IAPP: variants seen among roughly 807,000 people sequenced by gnomAD.
IAPP encodes Islet amyloid polypeptide (diabetes-associated peptide; amylin).
A neutral mutation model predicts 2.9 loss-of-function variants in IAPP; 4 were observed. The observed-to-expected ratio is 1.39, with a 90% CI of 0.69 to 3.19. IAPP has a LOEUF of 3.19. Among genes scored for constraint, IAPP ranks in the 30% most tolerant of loss-of-function variants. IAPP has a pLI of 0.01. For missense variants in IAPP, 114 were observed against 105.3 expected, an observed-to-expected ratio of 1.08 and a Z score of -0.36; for synonymous variants, 40 against 42.1, an observed-to-expected ratio of 0.95 and a Z score of 0.19.
chr12:21,369,607 T>C (rs1939637456), upstream of IAPP, among the ~76,000 whole-genome samples: 1 of 152,228 alleles, frequency 6.6e-6, no homozygotes, highest in Non-Finnish European at 1.5e-5. Context: ...TCCAGACTGA[T>C]GTTTTAAAGT....
intron 1 of IAPP, among the ~76,000 whole-genome samples, chr12:21,364,445 T>C (rs553534941): frequency 5.9e-5 from 9 of 152,324 alleles, no homozygotes; most frequent in African/African-American, 2.2e-4. Flanking sequence ...AATATCATAC[T>C]GAATGGGCAA....
chr12:21,375,458 A>G (rs58833047), intron 2 of IAPP, among the ~76,000 whole-genome samples: 11 of 152,346 alleles, frequency 7.2e-5, no homozygotes, highest in African/African-American at 2.4e-4. Flanking sequence ...ACATTATTCA[A>G]TGTCATTTTC....
At chr12:21,370,481 C>G (rs949603774), upstream of IAPP, among the ~76,000 whole-genome samples, 1 of 109,362 alleles carries the variant, frequency 9.1e-6, no homozygotes, top group African/African-American at 3.5e-5. Flanking sequence ...CCTCCCCCCT[C>G]CCCCGACCCC....
chr12:21,362,637 G>T (rs1030581909), intron 1 of IAPP, among the ~76,000 whole-genome samples: 11 of 152,304 alleles, frequency 7.2e-5, no homozygotes, highest in Middle Eastern at 3.4e-3. Flanking sequence ...GCATCAGTGT[G>T]TGGTATTCAG....
At chr12:21,374,806 A>G (rs1442912726) in intron 2 of IAPP, among the ~76,000 whole-genome samples, 1 of 147,718 alleles carries the variant, frequency 6.8e-6, no homozygotes, top group South Asian at 2.1e-4. Flanking sequence ...TTTTTATTTT[A>G]TTTTGAGACA....
intron 1 of IAPP, among the ~76,000 whole-genome samples, chr12:21,363,918 C>T (rs1166105220): frequency 1.3e-5 from 2 of 151,854 alleles, no homozygotes. Context: ...GCCTACCAAC[C>T]AAAAAAAGTC....
chr12:21,364,038 G>C (rs558929253), intron 1 of IAPP, among the ~76,000 whole-genome samples: 3,977 of 152,154 alleles, frequency 0.026, 79 homozygotes, highest in Non-Finnish European at 0.04. Flanking sequence ...TCCTCCCTCA[G>C]TCATTTTATG....
At chr12:21,361,364 C>T (rs144625971) in intron 1 of IAPP, among the ~76,000 whole-genome samples, 430 of 152,266 alleles carry the variant, frequency 2.8e-3, no homozygotes, top group Non-Finnish European at 4.9e-3. Context: ...AAAGGACATC[C>T]ACACCAAAAC....
upstream of IAPP, among the ~76,000 whole-genome samples, chr12:21,369,944 T>C (rs1389357346): frequency 6.6e-6 from 1 of 152,218 alleles, no homozygotes; most frequent in Non-Finnish European, 1.5e-5. Context: ...GAGATTGGGA[T>C]AGATGTTGAT....
chr12:21,360,348 C>A (rs1224819695), intron 1 of IAPP, among the ~76,000 whole-genome samples: 1 of 151,810 alleles, frequency 6.6e-6, no homozygotes, highest in African/African-American at 2.4e-5. Flanking sequence ...AAAACGACAC[C>A]AATATAAAAA....
At chr12:21,376,976 G>A (rs868681180) in intron 2 of IAPP, among the ~76,000 whole-genome samples, 64 of 152,104 alleles carry the variant, frequency 4.2e-4, no homozygotes, top group African/African-American at 1.4e-3. Flanking sequence ...ATCCATTTCC[G>A]ATATCGTTTT....
chr12:21,371,565 T>C (rs1188550895), upstream of IAPP, among the ~76,000 whole-genome samples: 1 of 152,200 alleles, frequency 6.6e-6, no homozygotes, highest in African/African-American at 2.4e-5. Context: ...ATGAAATCAA[T>C]GAACTAATGT....
At chr12:21,368,152 C>T (rs1234241809), upstream of IAPP, among the ~76,000 whole-genome samples, 1 of 152,112 alleles carries the variant, frequency 6.6e-6, no homozygotes, top group Non-Finnish European at 1.5e-5. Flanking sequence ...TTATGTACCC[C>T]TTGATATAAT....
chr12:21,363,586 C>T (rs1419426919), intron 1 of IAPP, among the ~76,000 whole-genome samples: 1 of 152,024 alleles, frequency 6.6e-6, no homozygotes. Context: ...AAAAACCCTT[C>T]AAAAAATAAA....
rs1940406370 is a variant in IAPP at position 21,378,940 on chromosome 12, T to C, written c.*514T>C. On this transcript the variant is annotated 3_prime_UTR_variant, in exon 3 of 3. Coordinates refer to ENST00000240652, the MANE Select transcript of IAPP (RefSeq NM_000415.3). ...AAATACAAAAATTAGCCGGGGGTGG[T>C]GACATGTGCCTGTAATCCCAGCTAC... is the stretch of plus-strand genomic sequence containing the variant. 1 of 154,330 alleles carries C rather than the reference T, an allele frequency of 6.5e-6. No individual in the cohort carries two copies. The highest frequency in any genetic ancestry group is 1.9e-4 in the East Asian group (1 of 5,246). 9.6% of individuals were successfully genotyped at this position (154,330 alleles called of 1,614,324 possible).
At chr12:21,358,439 G>A (rs1591877198) in intron 1 of IAPP, among the ~76,000 whole-genome samples, 1 of 152,082 alleles carries the variant, frequency 6.6e-6, no homozygotes, top group South Asian at 2.1e-4. Flanking sequence ...ATCCACTAAC[G>A]AGATGGTTTT....
intron 1 of IAPP, among the ~76,000 whole-genome samples, chr12:21,358,275 C>T (rs968925171): frequency 2.0e-5 from 3 of 152,156 alleles, no homozygotes; most frequent in African/African-American, 7.2e-5. Flanking sequence ...TGCTAATTTG[C>T]AGCTTTTTAC....
At chr12:21,365,589 C>T (rs1271212857) in intron 1 of IAPP, among the ~76,000 whole-genome samples, 1 of 152,144 alleles carries the variant, frequency 6.6e-6, no homozygotes, top group Non-Finnish European at 1.5e-5. Context: ...TCAAAAGAAA[C>T]TACCATCAGA....
rs1338958711 is a variant in IAPP, at chr12:21,379,256, T to A, written c.*830T>A. On this transcript the variant is annotated 3_prime_UTR_variant, in exon 3 of 3. Coordinates refer to ENST00000240652, the MANE Select transcript of IAPP (RefSeq NM_000415.3). Reference sequence around the variant, plus strand: ...CAAAATATTTTTTAAAGTCTATTGTTTGTTGTGCTTGCTGGTACTAAGAGG... The same window carrying A: ...CAAAATATTTTTTAAAGTCTATTGTATGTTGTGCTTGCTGGTACTAAGAGG... 6.6e-6 allele frequency: 1 copy of A among 152,188 alleles called. No individual in the cohort carries two copies. The highest frequency in any genetic ancestry group is 1.5e-5 in the Non-Finnish European group (1 of 68,032). The allele number at this position is 152,188 out of a possible 1,614,324, so 9.4% of individuals were successfully genotyped here. A position where few individuals can be genotyped will look rare whatever the true frequency, so the allele number is the denominator to read the frequency against.
Sources: allele counts gnomAD v4.1 joint callset (sites outside exome capture counted in the v4.1 genomes callset), GRCh38; gene constraint gnomAD v4.1.1; transcripts MANE v1.5; gene names NCBI Gene and HGNC (gene_info 2026-07-23, HGNC 2026-07-21).